Variants in PCDH9 observed in about 807,000 individuals in gnomAD.
PCDH9 encodes the protein protocadherin-9.
PCDH9 carries 24 observed loss-of-function variants against 70.6 expected under a neutral mutation model. The observed-to-expected ratio is 0.34, with a 90% CI of 0.25 to 0.48. The LOEUF (loss-of-function observed/expected upper bound fraction) is 0.48, where lower values mean the gene tolerates loss of function less well. Among genes scored for constraint, PCDH9 ranks in the 20% least tolerant of loss-of-function variants. PCDH9 has a pLI of 0.99. For synonymous variants in PCDH9, 562 were observed against 558.5 expected (o/e 1.01, Z -0.09); for missense variants, 1,281 against 1,503.6 (o/e 0.85, Z 2.45).
At chr13:66,828,153 A>G (rs1468079536) in intron 3 of PCDH9, among the ~76,000 whole-genome samples, 1 of 152,214 alleles carries the variant, frequency 6.6e-6, no homozygotes, top group East Asian at 1.9e-4. Flanking sequence ...TTAAAACGTG[A>G]AAGTACTAAT....
At chr13:66,465,637 C>T (rs955460337) in intron 4 of PCDH9, among the ~76,000 whole-genome samples, 2 of 151,820 alleles carry the variant, frequency 1.3e-5, no homozygotes, top group African/African-American at 4.8e-5. Flanking sequence ...GGCTCTTCCA[C>T]TAACTTTACT....
chr13:66,921,478 C>T (rs2082635577), intron 2 of PCDH9, among the ~76,000 whole-genome samples: 1 of 151,144 alleles, frequency 6.6e-6, no homozygotes. Flanking sequence ...GTATTTTTTG[C>T]ATATGGTCCT....
intron 4 of PCDH9, among the ~76,000 whole-genome samples, chr13:66,476,887 T>C (rs1958740937): frequency 6.6e-6 from 1 of 152,056 alleles, no homozygotes; most frequent in Admixed American, 6.6e-5. Context: ...TGTAGAAACA[T>C]TACTTCTTAA....
At chr13:66,686,468 A>G (rs993246941) in intron 3 of PCDH9, among the ~76,000 whole-genome samples, 7 of 152,212 alleles carry the variant, frequency 4.6e-5, no homozygotes, top group African/African-American at 1.4e-4. Flanking sequence ...TAACAGCATG[A>G]GAATGAACTA....
intron 3 of PCDH9, among the ~76,000 whole-genome samples, chr13:66,813,363 T>C (rs931467270): frequency 7.9e-5 from 12 of 152,192 alleles, no homozygotes; most frequent in Non-Finnish European, 1.8e-4. Context: ...ATAGAGATTA[T>C]TGCTGTACAA....
chr13:67,046,394 AT>A (rs2085222368), intron 2 of PCDH9, among the ~76,000 whole-genome samples: 1 of 152,216 alleles, frequency 6.6e-6, no homozygotes, highest in African/African-American at 2.4e-5. Context: ...GTTTGATAAA[AT>A]TGATAAAGCT....
chr13:66,594,815 T>C (rs1161857118), intron 4 of PCDH9, among the ~76,000 whole-genome samples: 2 of 151,686 alleles, frequency 1.3e-5, no homozygotes, highest in South Asian at 2.1e-4. Flanking sequence ...TCCATGTCCC[T>C]GCAAAGGACA....
intron 2 of PCDH9, among the ~76,000 whole-genome samples, chr13:66,967,915 T>G (rs2083456992): frequency 6.6e-6 from 1 of 151,996 alleles, no homozygotes; most frequent in Non-Finnish European, 1.5e-5. Context: ...ATGTATTCAG[T>G]TCATGTTTGT....
chr13:66,698,095 T>C lies in PCDH9; in HGVS notation c.3139-66684A>G, dbSNP rs576760832. ...TTGTCAAATTCATAGAGATAGAAAA[T>C]AGAATGGCGGTTGACAGGGTCTGTG... On this transcript the variant is annotated intron_variant, in intron 3 of 4. Coordinates refer to ENST00000377865, the MANE Select transcript of PCDH9 (RefSeq NM_203487.3). Among the ~76,000 whole-genome samples, 29 of 152,108 alleles carry C rather than the reference T, an allele frequency of 1.9e-4. No homozygotes were observed. The East Asian group carries it at 4.1e-3, about 21-fold the overall frequency.
chr13:66,463,050 C>G (rs1958453216), intron 4 of PCDH9, among the ~76,000 whole-genome samples: 1 of 151,660 alleles, frequency 6.6e-6, no homozygotes, highest in Non-Finnish European at 1.5e-5. Flanking sequence ...AAATATAATT[C>G]TCTCTCTCTC....
intron 3 of PCDH9, among the ~76,000 whole-genome samples, chr13:66,682,354 AT>A (rs2078336157): frequency 0.19 from 123 of 646 alleles, no homozygotes; most frequent in Non-Finnish European, 0.22. Flanking sequence ...TGTATTTATT[AT>A]CTATCTATCT....
intron 3 of PCDH9, among the ~76,000 whole-genome samples, chr13:66,680,771 G>C (rs578005560): frequency 3.3e-5 from 5 of 151,972 alleles, no homozygotes; most frequent in Middle Eastern, 6.8e-3. Flanking sequence ...TCAAAAGAAA[G>C]CCACAAAAGT....
chr13:66,974,930 A>G (rs981606659), intron 2 of PCDH9, among the ~76,000 whole-genome samples: 1 of 152,066 alleles, frequency 6.6e-6, no homozygotes, highest in Non-Finnish European at 1.5e-5. Context: ...AGACAGTTTT[A>G]ACCACATAGT....
intron 3 of PCDH9, among the ~76,000 whole-genome samples, chr13:66,867,008 GTTTC>G (rs1321297821): frequency 7.2e-6 from 1 of 138,262 alleles, no homozygotes; most frequent in African/African-American, 2.6e-5. Context: ...GACCAAATCA[GTTTC>G]TTTCTTTTTT....
At position 67,225,982 on chromosome 13, in the gene PCDH9, A is replaced by G. The variant is rs2089856588; in HGVS notation, c.2459T>C (p.Ile820Thr). The G allele has an allele frequency of 6.2e-7, 1 of 1,614,104 alleles. No homozygotes were observed. The highest frequency in any genetic ancestry group is 1.7e-5 in the Admixed American group (1 of 60,024). The change falls in exon 2 of 5, where the codon ATC (isoleucine) becomes ACC (threonine). Residue 820 changes from isoleucine to threonine, a missense_variant. This residue lies in a region of PCDH9 where 798 missense variants were observed against 1,003.1 expected (regional missense o/e 0.80). Transcript: ENST00000377865. ...EDYLTIMIAIIAGAMVVIVVI... is the reference protein window; with the variant it reads ...EDYLTIMIAITAGAMVVIVVI... The stretch of plus-strand genomic sequence containing the variant: ...AACAATGACCACCATGGCACCGGCG[A>G]TGATGGCAATCATGATGGTTAGATA...
intron 3 of PCDH9, among the ~76,000 whole-genome samples, chr13:66,715,590 T>C (rs1434528200): frequency 6.6e-6 from 1 of 152,188 alleles, no homozygotes; most frequent in African/African-American, 2.4e-5. Context: ...TAAGAGGTTA[T>C]AGTACAGATG....
intron 4 of PCDH9, among the ~76,000 whole-genome samples, chr13:66,592,447 A>G (rs1225698399): frequency 1.3e-5 from 2 of 151,766 alleles, no homozygotes; most frequent in Non-Finnish European, 2.9e-5. Flanking sequence ...GAAATTTGAT[A>G]TATCTTTGGC....
chr13:67,059,363 A>G (rs892142846), intron 2 of PCDH9, among the ~76,000 whole-genome samples: 11 of 123,518 alleles, frequency 8.9e-5, no homozygotes, highest in African/African-American at 3.2e-4. Context: ...TTATATATAT[A>G]TAGTGTGTAT....
intron 2 of PCDH9, among the ~76,000 whole-genome samples, chr13:67,094,353 G>T (rs1398238063): frequency 6.6e-6 from 1 of 152,092 alleles, no homozygotes; most frequent in Non-Finnish European, 1.5e-5. Context: ...CACCCTCCAG[G>T]CCAGATGTAG....
Sources: gnomAD v4.1 joint callset for allele counts (sites outside exome capture counted in the v4.1 genomes callset) on GRCh38, gnomAD v4.1.1 for gene constraint, gnomAD v4.1.1 regional missense constraint, MANE v1.5 for transcripts, NCBI Gene and HGNC (gene_info 2026-07-23, HGNC 2026-07-21) for gene names.